C2CD5: variants seen among roughly 807,000 people sequenced by gnomAD.
C2CD5 encodes the protein C2 domain-containing protein 5.
A neutral mutation model predicts 130.3 loss-of-function variants in C2CD5; 109 were observed. That is an observed-to-expected ratio of 0.84 (90% CI 0.72 to 0.98). The LOEUF is 0.98. C2CD5 is among the 50% of genes least tolerant of loss of function. The probability of loss-of-function intolerance (pLI) is 0.00; values close to 1 mark genes in which losing one functional copy is unlikely to be tolerated. For synonymous variants in C2CD5, 454 were observed against 429.2 expected (o/e 1.06, Z -0.71); for missense variants, 996 against 1,261.8 (o/e 0.79, Z 3.19).
At chr12:22,497,640 A>C (rs906343110) in intron 10 of C2CD5, 1 of 933,818 alleles carries the variant, frequency 1.1e-6, no homozygotes, top group African/African-American at 1.8e-5. Flanking sequence ...AATGAAAAAG[A>C]AATTAGAGAG....
rs1939657497 is a variant in C2CD5 at position 22,455,533 on chromosome 12, T to G, written c.2877+1438A>C. 1.3e-5 allele frequency among the ~76,000 whole-genome samples: 2 copies of G among 152,216 alleles called. 1 individual carries two copies. The highest frequency in any genetic ancestry group is 4.1e-4 in the South Asian group (2 of 4,834). On this transcript the variant is annotated intron_variant, in intron 25 of 26. Coordinates refer to ENST00000446597, the MANE Select transcript of C2CD5 (RefSeq NM_001286176.2). The stretch of plus-strand genomic sequence containing the variant: ...AGAGCAAGTAGAAAAGGTTAATTCA[T>G]AATATATGCCAGCTTTTCGCACCAA...
At chr12:22,471,543 G>T (rs1591983752) in intron 19 of C2CD5, 55 bp from the exon 20 acceptor site, 1 of 1,051,802 alleles carries the variant, frequency 9.5e-7, no homozygotes, top group East Asian at 2.6e-5. Context: ...ATTTTTAAAA[G>T]CTGATTTTTT....
chr12:22,525,518 G>C (rs527909543), intron 5 of C2CD5, 92 bp downstream of exon 5: 1 of 762,010 alleles, frequency 1.3e-6, no homozygotes, highest in Middle Eastern at 2.3e-4. Context: ...AAGTACAATA[G>C]CTTTTCTACT....
chr12:22,506,287 A>C (rs1948526205), intron 10 of C2CD5, among the ~76,000 whole-genome samples: 1 of 152,182 alleles, frequency 6.6e-6, no homozygotes, highest in Non-Finnish European at 1.5e-5. Flanking sequence ...GACAACAGGC[A>C]CATGCTACTG....
intron 4 of C2CD5, among the ~76,000 whole-genome samples, chr12:22,525,946 A>T (rs1222018238): frequency 1.3e-5 from 2 of 152,166 alleles, no homozygotes; most frequent in South Asian, 4.1e-4. Context: ...ATTCTGTCCA[A>T]CTGTAGGCTA....
chr12:22,502,995 ACTAAT>A (rs1947996896), intron 10 of C2CD5, among the ~76,000 whole-genome samples: 1 of 152,202 alleles, frequency 6.6e-6, no homozygotes, highest in African/African-American at 2.4e-5. Flanking sequence ...TCTAACATTA[ACTAAT>A]CTAATTATTT....
intron 3 of C2CD5, among the ~76,000 whole-genome samples, chr12:22,528,343 G>GA (rs542028263): frequency 6.5e-4 from 99 of 152,256 alleles, no homozygotes; most frequent in African/African-American, 2.4e-3. Context: ...TTATGTGTAA[G>GA]AAAAAACAAC....
rs1591925492 is a variant in C2CD5, at chr12:22,456,957, T to G, written c.2877+14A>C. 1 of 1,491,120 alleles carries G rather than the reference T, an allele frequency of 6.7e-7. No homozygotes were observed. Among genetic ancestry groups the G allele is most frequent in the Non-Finnish European group, 9.1e-7 (1 of 1,102,770 alleles). 92.4% of individuals were successfully genotyped at this position (1,491,120 alleles called of 1,614,324 possible). The stretch of plus-strand genomic sequence containing the variant: ...AAAATTTTTTAAAAAATGAAATAAC[T>G]TCTATAAAATTACCTCCCGAAGAGA... On this transcript the variant is annotated intron_variant, in intron 25 of 26. Coordinates refer to ENST00000446597, the MANE Select transcript of C2CD5 (RefSeq NM_001286176.2).
intron 23 of C2CD5, 73 bp downstream of exon 23, chr12:22,459,419 T>G: frequency 1.1e-6 from 1 of 950,436 alleles, no homozygotes; most frequent in Non-Finnish European, 1.6e-6. Context: ...TTCTTCAATG[T>G]CTATAATTTT....
chr12:22,492,926 T>C (rs994700729), intron 11 of C2CD5, among the ~76,000 whole-genome samples: 12 of 152,188 alleles, frequency 7.9e-5, no homozygotes, highest in Admixed American at 7.9e-4. Flanking sequence ...GAGTTAATAT[T>C]TGCTGTGTGC....
At chr12:22,488,270 A>G (rs1188791050) in intron 12 of C2CD5, among the ~76,000 whole-genome samples, 1 of 152,182 alleles carries the variant, frequency 6.6e-6, no homozygotes, top group Non-Finnish European at 1.5e-5. Context: ...AGCATGAAAA[A>G]TGACAGCTGA....
chr12:22,467,287 G>A (rs76426990), intron 22 of C2CD5, among the ~76,000 whole-genome samples: 182 of 151,898 alleles, frequency 1.2e-3, no homozygotes, highest in Admixed American at 3.5e-3. Flanking sequence ...TCTACCACCC[G>A]GCTTCCTGAG....
intron 3 of C2CD5, among the ~76,000 whole-genome samples, chr12:22,534,471 T>C (rs1285834620): frequency 1.3e-5 from 2 of 152,154 alleles, no homozygotes; most frequent in African/African-American, 4.8e-5. Context: ...ATTTGCAAAT[T>C]ATATATCTGA....
At chr12:22,512,437 G>T (rs982868223) in intron 9 of C2CD5, among the ~76,000 whole-genome samples, 12 of 151,540 alleles carry the variant, frequency 7.9e-5, no homozygotes, top group Non-Finnish European at 1.5e-4. Flanking sequence ...TAAAATTACT[G>T]ACATGACATA....
chr12:22,537,410 A>G (rs1396776527), intron 2 of C2CD5, among the ~76,000 whole-genome samples: 8 of 152,266 alleles, frequency 5.3e-5, no homozygotes, highest in Non-Finnish European at 1.0e-4. Flanking sequence ...GAAAACAAAT[A>G]AAGGACAAGA....
At chr12:22,455,385 G>C (rs1204363621) in intron 25 of C2CD5, among the ~76,000 whole-genome samples, 1 of 152,114 alleles carries the variant, frequency 6.6e-6, no homozygotes, top group African/African-American at 2.4e-5. Flanking sequence ...ATTATTATAA[G>C]TTTCTGTTGA....
chr12:22,530,518 C>T (rs536632906), intron 3 of C2CD5, among the ~76,000 whole-genome samples: 6 of 150,750 alleles, frequency 4.0e-5, no homozygotes, highest in African/African-American at 9.8e-5. Context: ...AGTGCAATGG[C>T]GTGATCTCGA....
intron 22 of C2CD5, among the ~76,000 whole-genome samples, chr12:22,466,669 T>C (rs1317598931): frequency 6.6e-6 from 1 of 152,194 alleles, no homozygotes; most frequent in African/African-American, 2.4e-5. Context: ...CTGAAAAGAC[T>C]TGAAGCACAA....
intron 22 of C2CD5, among the ~76,000 whole-genome samples, chr12:22,464,762 T>C (rs1450136880): frequency 6.6e-6 from 1 of 152,172 alleles, no homozygotes; most frequent in Non-Finnish European, 1.5e-5. Flanking sequence ...TTTTAAAAAA[T>C]AGTAATAACA....
Sources: allele counts gnomAD v4.1 joint callset (sites outside exome capture counted in the v4.1 genomes callset), GRCh38; gene constraint gnomAD v4.1.1; transcripts MANE v1.5; gene names NCBI Gene and HGNC (gene_info 2026-07-23, HGNC 2026-07-21).